Variants in FSHR observed in about 807,000 individuals in gnomAD.
The protein encoded by FSHR is follicle-stimulating hormone receptor.
FSHR carries 46 observed loss-of-function variants against 52.1 expected under a neutral mutation model. The observed-to-expected ratio is 0.88, with a 90% CI of 0.70 to 1.13. The LOEUF (loss-of-function observed/expected upper bound fraction) is 1.13. Among genes scored for constraint, FSHR ranks in the 50% most tolerant of loss-of-function variants. The pLI is 0.00. For synonymous variants in FSHR, 399 were observed against 309.6 expected (o/e 1.29, Z -3.03); for missense variants, 964 against 834.6 (o/e 1.16, Z -1.91).
At chr2:49,116,570 G>A (rs1218801815) in intron 1 of FSHR, among the ~76,000 whole-genome samples, 1 of 152,182 alleles carries the variant, frequency 6.6e-6, no homozygotes, top group Non-Finnish European at 1.5e-5. Context: ...ACAGTTCTCA[G>A]CACTGTGCCT....
rs1672693319 is a variant in FSHR at position 49,141,697 on chromosome 2, A to ACTGTAAGCTTAC, written c.152+12568_152+12569insGTAAGCTTACAG. Among the ~76,000 whole-genome samples, 8 of 152,270 alleles carry ACTGTAAGCTTAC rather than the reference A, an allele frequency of 5.3e-5. No individual in the cohort carries two copies. In the South Asian group the frequency reaches 1.5e-3, roughly 28 times the overall value. ...GCAGTGCTAATCTTCAGCTTACTAT[A>ACTGTAAGCTTAC]TATGGGAGACAAAATAATACATAAG... On this transcript the variant is annotated intron_variant, in intron 1 of 9. Coordinates refer to ENST00000406846, the MANE Select transcript of FSHR (RefSeq NM_000145.4).
At chr2:48,999,886 C>T (rs1676180737) in intron 4 of FSHR, among the ~76,000 whole-genome samples, 2 of 152,078 alleles carry the variant, frequency 1.3e-5, no homozygotes, top group Non-Finnish European at 2.9e-5. Context: ...TTGGTGTTTC[C>T]TAGTTCAACC....
In FSHR at chr2:49,027,060, TG is replaced by T. The variant is rs1667933285; in HGVS notation, c.225-6901del. Among the ~76,000 whole-genome samples the T allele has an allele frequency of 2.0e-5, 3 of 152,212 alleles. No individual in the cohort carries two copies. The South Asian group carries it at 6.2e-4, about 32-fold the overall frequency. On this transcript the variant is annotated intron_variant, in intron 2 of 9. Coordinates refer to ENST00000406846, the MANE Select transcript of FSHR (RefSeq NM_000145.4). ...TCTTCCCCTCCCTAGTCACGACCCC[TG>T]CCAACGGCTCTGTCTGACATCCCTA...
chr2:49,049,864 C>A (rs916771374), intron 2 of FSHR, among the ~76,000 whole-genome samples: 2 of 147,320 alleles, frequency 1.4e-5, no homozygotes, highest in African/African-American at 2.6e-5. Context: ...AAAAACCAAA[C>A]CCAAATAAAA....
chr2:49,118,482 A>G (rs1460651634), intron 1 of FSHR, among the ~76,000 whole-genome samples: 1 of 152,182 alleles, frequency 6.6e-6, no homozygotes, highest in African/African-American at 2.4e-5. Flanking sequence ...TGTCATGTGA[A>G]GTGGCTTCAT....
rs776897994 is a variant in FSHR, at chr2:48,968,869, G to T, written c.683C>A (p.Thr228Lys). The T allele has an allele frequency of 6.2e-7, 1 of 1,613,426 alleles. No homozygotes were observed. The highest frequency in any genetic ancestry group is 1.7e-5 in the Admixed American group (1 of 59,992). Residue 228 changes from threonine to lysine, a missense_variant, in exon 9 of 10, where the codon ACA becomes AAA. Transcript: ENST00000406846. ...ATAGCTAGGCAGGGAATGGATCCTTGTTCTTGAAATATCTCTATAAAGAGA... is the reference window on the plus strand; with the variant it reads ...ATAGCTAGGCAGGGAATGGATCCTTTTTCTTGAAATATCTCTATAAAGAGA... ...SGPVILDISR[T>K]RIHSLPSYGL...
At chr2:49,147,451 A>G (rs1672909402) in intron 1 of FSHR, among the ~76,000 whole-genome samples, 1 of 152,056 alleles carries the variant, frequency 6.6e-6, no homozygotes, top group Non-Finnish European at 1.5e-5. Context: ...ACAATGTCCT[A>G]TTTCTGAAGC....
At chr2:49,061,564 A>G (rs2104326558) in intron 2 of FSHR, among the ~76,000 whole-genome samples, 1 of 145,340 alleles carries the variant, frequency 6.9e-6, no homozygotes, top group East Asian at 2.0e-4. Flanking sequence ...ATACATATAA[A>G]TATACATATT....
In FSHR at chr2:48,989,025, G is replaced by A; in HGVS notation, c.476C>T (p.Thr159Ile). Residue 159 changes from threonine to isoleucine, a missense_variant, in exon 6 of 10, where the codon ACA becomes ATA. Transcript: ENST00000406846. The stretch of plus-strand genomic sequence containing the variant: ...CCCCACGAAAGAATTTCTTTCAATT[G>A]TGTGGATGTTTATGTTATCTTGAAT... ...LDIQDNINIH[T>I]IERNSFVGLS... The A allele has an allele frequency of 6.2e-7, 1 of 1,613,876 alleles. No individual in the cohort carries two copies. The highest frequency in any genetic ancestry group is 8.5e-7 in the Non-Finnish European group (1 of 1,179,852).
chr2:49,118,750 G>GTTCCA (rs1671693965), intron 1 of FSHR, among the ~76,000 whole-genome samples: 1 of 152,060 alleles, frequency 6.6e-6, no homozygotes, highest in Non-Finnish European at 1.5e-5. Context: ...CACCATATCC[G>GTTCCA]TTCCAGGAAC....
In FSHR at chr2:48,963,339, C is replaced by T. The variant is rs758082845; in HGVS notation, c.1482G>A (p.Trp494Ter). 1.1e-5 allele frequency: 17 copies of T among 1,614,020 alleles called. No individual in the cohort carries two copies. The South Asian group carries it at 1.6e-4, about 16-fold the overall frequency. ...AGAGGGCAGCTGCAAAAGCAAAAATCCAGCCCATCACCATGACACTGGCAG... is the reference window on the plus strand; with the variant it reads ...AGAGGGCAGCTGCAAAAGCAAAAATTCAGCCCATCACCATGACACTGGCAG... Reference protein sequence around the residue: ...RHAASVMVMGWIFAFAAALFP... With the variant: ...RHAASVMVMG Residue 494 changes from tryptophan to a stop codon, truncating the protein, a stop_gained, in exon 10 of 10, where the codon TGG (tryptophan) becomes TGA (stop). Transcript: ENST00000406846. LOFTEE classifies it high-confidence loss of function.
At chr2:49,106,035 C>A (rs1221301643) in intron 1 of FSHR, among the ~76,000 whole-genome samples, 1 of 152,142 alleles carries the variant, frequency 6.6e-6, no homozygotes, top group East Asian at 1.9e-4. Flanking sequence ...ATCTGCTCTG[C>A]CTTCTGAGCA....
intron 4 of FSHR, among the ~76,000 whole-genome samples, chr2:49,012,967 A>G (rs1667325877): frequency 6.6e-6 from 1 of 152,140 alleles, no homozygotes; most frequent in African/African-American, 2.4e-5. Flanking sequence ...GTAGGTAATT[A>G]AGGTTAAATG....
chr2:49,046,938 A>T (rs1266962015), intron 2 of FSHR, among the ~76,000 whole-genome samples: 1 of 152,314 alleles, frequency 6.6e-6, no homozygotes, highest in African/African-American at 2.4e-5. Flanking sequence ...GATGGAAGTC[A>T]CAGTCTTTTA....
At chr2:49,153,657 C>T (rs1042738977) in intron 1 of FSHR, among the ~76,000 whole-genome samples, 2 of 152,156 alleles carry the variant, frequency 1.3e-5, no homozygotes, top group African/African-American at 2.4e-5. Flanking sequence ...TTATTAATCA[C>T]ATTTTTTTCC....
intron 1 of FSHR, among the ~76,000 whole-genome samples, chr2:49,081,012 C>G (rs1304710832): frequency 6.6e-6 from 1 of 152,148 alleles, no homozygotes; most frequent in Non-Finnish European, 1.5e-5. Flanking sequence ...GCTGCCCGTT[C>G]CTATGGAAAG....
In FSHR at chr2:48,965,314, G is replaced by A. The variant is rs372940447; in HGVS notation, c.855-1348C>T. Among the ~76,000 whole-genome samples, 827 of 152,248 alleles carry A rather than the reference G, an allele frequency of 5.4e-3. 9 individuals are homozygous for A. Among genetic ancestry groups the A allele is most frequent in the African/African-American group, 0.019 (792 of 41,544 alleles). ...TGCTCTCCTCTCTTCTCTCACCCCT[G>A]GGAAGTGAATTGAATTGCCAGGAAG... is the stretch of plus-strand genomic sequence containing the variant. On this transcript the variant is annotated intron_variant, in intron 9 of 9. Transcript: ENST00000406846.
chr2:48,993,706 T>C (rs959943260), intron 4 of FSHR, among the ~76,000 whole-genome samples: 20 of 152,186 alleles, frequency 1.3e-4, no homozygotes, highest in Admixed American at 1.3e-3. Flanking sequence ...ACCTTTATCT[T>C]ATGCTATTTC....
At chr2:49,113,493 A>G (rs902624616) in intron 1 of FSHR, among the ~76,000 whole-genome samples, 1 of 152,244 alleles carries the variant, frequency 6.6e-6, no homozygotes, top group African/African-American at 2.4e-5. Flanking sequence ...CACAGTCAAG[A>G]AGAGAGCTAA....
Sources: gnomAD v4.1 joint callset for allele counts (sites outside exome capture counted in the v4.1 genomes callset) on GRCh38, gnomAD v4.1.1 for gene constraint, MANE v1.5 for transcripts, NCBI Gene and HGNC (gene_info 2026-07-23, HGNC 2026-07-21) for gene names.